The following MTA3 variants were observed in gnomAD, a reference collection of about 807,000 sequenced individuals.
The protein encoded by MTA3 is metastasis-associated protein MTA3.
Under a neutral mutation model 83.5 loss-of-function variants are expected in MTA3, and 34 were observed. The ratio of observed to expected loss-of-function variants is 0.41; its 90% CI spans 0.31 to 0.54. The LOEUF is 0.54. MTA3 is among the 20% of genes least tolerant of loss of function. MTA3 has a pLI of 0.33. For missense variants in MTA3, 761 were observed against 726.4 expected (o/e 1.05, Z -0.55); for synonymous variants, 303 against 252.7 (o/e 1.20, Z -1.89).
At chr2:42,701,635 G>T (rs945093117) in intron 11 of MTA3, among the ~76,000 whole-genome samples, 3 of 152,204 alleles carry the variant, frequency 2.0e-5, no homozygotes, top group South Asian at 2.1e-4. Flanking sequence ...CAATTTGTTG[G>T]CTGGGCACAG....
intron 16 of MTA3, among the ~76,000 whole-genome samples, chr2:42,749,991 TTTTA>T (rs1260859243): frequency 4.6e-5 from 7 of 152,040 alleles, no homozygotes; most frequent in Non-Finnish European, 7.4e-5. Context: ...TTTATTTTTA[TTTTA>T]TTTATTTATT....
chr2:42,548,810 A>T lies in MTA3; in HGVS notation c.-140-21627A>T, dbSNP rs57742131. 3.0e-3 allele frequency among the ~76,000 whole-genome samples: 201 copies of T among 66,456 alleles called. 11 individuals carry two copies. The highest frequency in any genetic ancestry group is 0.012 in the African/African-American group (152 of 13,054). The allele number at this position is 66,456 out of a possible 152,430, so 43.6% of individuals were successfully genotyped here. A position where few individuals can be genotyped will look rare whatever the true frequency, so the allele number is the denominator to read the frequency against. ...AGAGTGAGACCCTGTCTCAAAAAAA[A>T]ATATATATATATATATATAATATAT... On this transcript the variant is annotated intron_variant, in intron 2 of 17. Coordinates refer to the MTA3 transcript ENST00000405592.
At chr2:42,647,981 C>T (rs1688373614) in intron 6 of MTA3, among the ~76,000 whole-genome samples, 1 of 152,192 alleles carries the variant, frequency 6.6e-6, no homozygotes, top group Non-Finnish European at 1.5e-5. Context: ...GCTGGGATTA[C>T]AGGTGCCTGC....
At chr2:42,629,766 T>A (rs1686491803) in intron 4 of MTA3, among the ~76,000 whole-genome samples, 1 of 152,090 alleles carries the variant, frequency 6.6e-6, no homozygotes, top group Non-Finnish European at 1.5e-5. Context: ...TTGCTGGAAT[T>A]CATGGGGCCT....
chr2:42,722,983 A>G lies in MTA3; in HGVS notation c.1707A>G (p.Thr569=). 1.9e-6 allele frequency: 3 copies of G among 1,551,132 alleles called. No homozygotes were observed. The highest frequency in any genetic ancestry group is 2.6e-6 in the Non-Finnish European group (3 of 1,147,114). Residue 569 remains threonine (T), a synonymous_variant, in exon 16 of 17, where the codon ACA becomes ACG. Coordinates refer to ENST00000405094, the MANE Select transcript of MTA3 (RefSeq NM_001330442.2). ...TKRMLTTPNH[T]SLSILGKRNY... ...GGATGCTAACAACTCCAAATCACACATCTCTGAGCATTCTGGGGAAAAGAA... is the reference window on the plus strand; with the variant it reads ...GGATGCTAACAACTCCAAATCACACGTCTCTGAGCATTCTGGGGAAAAGAA...
intron 16 of MTA3, among the ~76,000 whole-genome samples, chr2:42,728,785 G>A (rs954394849): frequency 6.6e-6 from 1 of 151,956 alleles, no homozygotes; most frequent in Non-Finnish European, 1.5e-5. Flanking sequence ...CACACCTTTT[G>A]CCCATTTTTA....
intron 2 of MTA3, among the ~76,000 whole-genome samples, chr2:42,548,360 G>C (rs1455360303): frequency 6.6e-6 from 1 of 152,112 alleles, no homozygotes; most frequent in Non-Finnish European, 1.5e-5. Flanking sequence ...CAGCTACTCA[G>C]GAGGCTGAGG....
intron 11 of MTA3, among the ~76,000 whole-genome samples, chr2:42,701,404 T>C (rs1364090318): frequency 8.9e-6 from 1 of 112,004 alleles, no homozygotes; most frequent in African/African-American, 3.6e-5. Flanking sequence ...CTGGGTAACA[T>C]AGAGTCCCTG....
At chr2:42,604,080 C>T (rs527995868) in intron 3 of MTA3, among the ~76,000 whole-genome samples, 17 of 151,948 alleles carry the variant, frequency 1.1e-4, no homozygotes, top group South Asian at 1.0e-3. Context: ...TTGCTCTTGT[C>T]GCCCAGGCTG....
At chr2:42,633,123 T>C (rs910668368) in intron 4 of MTA3, among the ~76,000 whole-genome samples, 15 of 151,048 alleles carry the variant, frequency 9.9e-5, no homozygotes, top group Non-Finnish European at 4.4e-5. Flanking sequence ...ATTAGCTGGG[T>C]ATGGGGGTGC....
chr2:42,735,266 G>T (rs113709601), intron 16 of MTA3, among the ~76,000 whole-genome samples: 1 of 151,990 alleles, frequency 6.6e-6, no homozygotes, highest in East Asian at 1.9e-4. Flanking sequence ...TTTTCCTTTA[G>T]CACTTTAAAT....
chr2:42,568,738 G>A lies in MTA3; in HGVS notation c.-8G>A. On this transcript the variant is annotated 5_prime_UTR_variant, in exon 1 of 17. Coordinates refer to ENST00000405094, the MANE Select transcript of MTA3 (RefSeq NM_001330442.2). Reference sequence around the variant, plus strand: ...CTCGGCTCGGGCTCCGCGGGCGGGCGGGCGGACATGGCGGCCAACATGTAC... The same window carrying A: ...CTCGGCTCGGGCTCCGCGGGCGGGCAGGCGGACATGGCGGCCAACATGTAC... The A allele has an allele frequency of 1.6e-6, 2 of 1,216,938 alleles. No individual in the cohort carries two copies. The highest frequency in any genetic ancestry group is 8.2e-5 in the South Asian group (2 of 24,284). The allele number at this position is 1,216,938 out of a possible 1,614,324, so 75.4% of individuals were successfully genotyped here.
chr2:42,713,984 T>G (rs1666839763), intron 14 of MTA3, among the ~76,000 whole-genome samples: 1 of 152,210 alleles, frequency 6.6e-6, no homozygotes, highest in Non-Finnish European at 1.5e-5. Context: ...TGAATTTTGG[T>G]GTAGTTTTAT....
intron 2 of MTA3, among the ~76,000 whole-genome samples, chr2:42,544,356 G>A (rs1446234412): frequency 6.6e-6 from 1 of 151,642 alleles, no homozygotes; most frequent in Admixed American, 6.6e-5. Context: ...TGAGGCAGGA[G>A]AATCGCTCGA....
At chr2:42,693,906 C>T (rs1374797984) in intron 9 of MTA3, among the ~76,000 whole-genome samples, 3 of 152,070 alleles carry the variant, frequency 2.0e-5, no homozygotes, top group Admixed American at 1.3e-4. Context: ...GCCCAAGGCC[C>T]ATGGTGTACT....
chr2:42,612,900 C>T (rs1019436030), intron 4 of MTA3, among the ~76,000 whole-genome samples: 4 of 152,050 alleles, frequency 2.6e-5, no homozygotes, highest in East Asian at 1.9e-4. Context: ...AAAGAAGTTA[C>T]GTGGCCAGTC....
chr2:42,530,629 C>CA (rs35651503), intron 2 of MTA3, among the ~76,000 whole-genome samples: 4,784 of 151,610 alleles, frequency 0.032, 133 homozygotes, highest in Middle Eastern at 0.066. Context: ...ACTAAAAATA[C>CA]AAAAAATTAG....
chr2:42,693,992 T>C (rs887878858), intron 9 of MTA3, among the ~76,000 whole-genome samples: 3 of 152,144 alleles, frequency 2.0e-5, no homozygotes, highest in African/African-American at 7.2e-5. Context: ...TTGCAGGGAC[T>C]GGGTCCTTCC....
At chr2:42,558,053 A>G (rs1356207636) in intron 2 of MTA3, among the ~76,000 whole-genome samples, 2 of 152,044 alleles carry the variant, frequency 1.3e-5, no homozygotes, top group African/African-American at 4.8e-5. Context: ...GTGTTGATTT[A>G]TTATTACTCT....
Sources: allele counts gnomAD v4.1 joint callset (sites outside exome capture counted in the v4.1 genomes callset), GRCh38; gene constraint gnomAD v4.1.1; transcripts MANE v1.5; gene names NCBI Gene and HGNC (gene_info 2026-07-23, HGNC 2026-07-21).